The following TOR1AIP1 variants were observed in gnomAD, a reference collection of about 807,000 sequenced individuals.
The protein encoded by TOR1AIP1 is torsin 1A interacting protein 1, also known as torsin-1A-interacting protein 1.
In TOR1AIP1, 54 loss-of-function variants were observed where a neutral mutation model predicts 63.3. That is an observed-to-expected ratio of 0.85 (90% CI 0.69 to 1.07). TOR1AIP1 has a LOEUF of 1.07. TOR1AIP1 is among the 50% of genes least tolerant of loss of function. TOR1AIP1 has a pLI of 0.00. For synonymous variants in TOR1AIP1, 294 were observed against 273.5 expected, an observed-to-expected ratio of 1.07 and a Z score of -0.74; for missense variants, 736 against 715.0, an observed-to-expected ratio of 1.03 and a Z score of -0.33.
At chr1:179,885,643 ATTATGCT>A (rs1647888710) in intron 2 of TOR1AIP1, among the ~76,000 whole-genome samples, 1 of 152,204 alleles carries the variant, frequency 6.6e-6, no homozygotes, top group Admixed American at 6.5e-5. Context: ...TTCTAATAAG[ATTATGCT>A]TTATAATGTG....
intron 2 of TOR1AIP1, among the ~76,000 whole-genome samples, chr1:179,886,020 C>G (rs1325261081): frequency 6.6e-6 from 1 of 152,196 alleles, no homozygotes; most frequent in Non-Finnish European, 1.5e-5. Context: ...GGATTATAGG[C>G]ATCAGCCACC....
In TOR1AIP1 at chr1:179,901,485, T is replaced by C. The variant is rs544469129; in HGVS notation, c.739+97T>C. The C allele has an allele frequency of 4.4e-5, 26 of 595,836 alleles. No homozygotes were observed. In the Admixed American group the frequency reaches 8.2e-4, roughly 19 times the overall value. 36.9% of individuals were successfully genotyped at this position (595,836 alleles called of 1,614,324 possible). A position where few individuals can be genotyped will look rare whatever the true frequency, so the allele number is the denominator to read the frequency against. ...AAAAAAACTTTCAAATTTTTATTAATACTTTATAAAAAGTCGTGAATTTTT... is the reference window on the plus strand; with the variant it reads ...AAAAAAACTTTCAAATTTTTATTAACACTTTATAAAAAGTCGTGAATTTTT... On this transcript the variant is annotated intron_variant, in intron 5 of 9. Coordinates refer to ENST00000606911, the MANE Select transcript of TOR1AIP1 (RefSeq NM_015602.4).
intron 1 of TOR1AIP1, 44 bp downstream of exon 1, chr1:179,883,021 C>G: frequency 1.3e-6 from 2 of 1,558,234 alleles, no homozygotes; most frequent in Non-Finnish European, 1.7e-6. Context: ...AGCCAGGGAA[C>G]GCGCGGGGGC....
intron 3 of TOR1AIP1, among the ~76,000 whole-genome samples, chr1:179,891,530 T>G (rs536742998): frequency 6.6e-6 from 1 of 150,680 alleles, no homozygotes; most frequent in East Asian, 2.0e-4. Flanking sequence ...GCCTTTCTCC[T>G]TGATTTTTAT....
chr1:179,915,216 T>C (rs923540618), intron 9 of TOR1AIP1, among the ~76,000 whole-genome samples: 6 of 152,218 alleles, frequency 3.9e-5, no homozygotes, highest in Non-Finnish European at 8.8e-5. Context: ...TCTCCAAAAC[T>C]CAACAAGTGG....
rs750693473 is a variant in TOR1AIP1 at position 179,917,942 on chromosome 1, C to T, written c.1455C>T (p.Pro485=). Residue 485 remains proline, a synonymous_variant, in exon 10 of 10, where the codon CCC becomes CCT. Coordinates refer to ENST00000606911, the MANE Select transcript of TOR1AIP1 (RefSeq NM_015602.4). ...AAVVHRFESF[P]AGSTLIFYKY... is the part of the protein sequence containing the mutation. ...TGGTACACCGCTTTGAGTCATTTCC[C>T]GCAGGCTCTACTTTGATCTTCTACA... The T allele has an allele frequency of 5.1e-5, 82 of 1,614,066 alleles. No homozygotes were observed. Among genetic ancestry groups the T allele is most frequent in the Non-Finnish European group, 6.1e-5 (72 of 1,180,052 alleles).
At position 179,917,550 on chromosome 1, in the gene TOR1AIP1, T is replaced by C. The variant is rs767468401; in HGVS notation, c.1063T>C (p.Phe355Leu). The stretch of plus-strand genomic sequence containing the variant: ...TCTTGCCTCTGGGAGTTTTTGGTTC[T>C]TTAGTACTCCTGAGGTAGAAACCAC... ...AALASGSFWFFSTPEVETTAV... is the reference protein window; with the variant it reads ...AALASGSFWFLSTPEVETTAV... Residue 355 changes from phenylalanine to leucine, a missense_variant, in exon 10 of 10, where the codon TTT (phenylalanine) becomes CTT (leucine). Phe to Leu is a conservative substitution (Grantham distance 22). Coordinates refer to ENST00000606911, the MANE Select transcript of TOR1AIP1 (RefSeq NM_015602.4). 3 of 1,614,194 alleles carry C rather than the reference T, an allele frequency of 1.9e-6. No homozygotes were observed. The East Asian group carries it at 6.7e-5, about 36-fold the overall frequency.
In TOR1AIP1 at chr1:179,894,024, G is replaced by T. The variant is rs184811913; in HGVS notation, c.610+4655G>T. ...CACACCTGTAATCCCAGCACTTTGG[G>T]AGGCAGAGGCGGGCGGATCACGAGG... is the stretch of plus-strand genomic sequence containing the variant. On this transcript the variant is annotated intron_variant, in intron 3 of 9. Coordinates refer to ENST00000606911, the MANE Select transcript of TOR1AIP1 (RefSeq NM_015602.4). Among the ~76,000 whole-genome samples, 84 of 152,166 alleles carry T rather than the reference G, an allele frequency of 5.5e-4. 1 individual carries two copies. Among genetic ancestry groups the T allele is most frequent in the Admixed American group, 3.6e-3 (55 of 15,284 alleles).
chr1:179,888,805 T>A lies in TOR1AIP1; in HGVS notation c.554-508T>A, dbSNP rs1346923690. ...TATCCCTATGCCATTGAACTATAGA[T>A]GGTCTAAAATAAACCCTGGCCCACA... On this transcript the variant is annotated intron_variant, in intron 2 of 9. Transcript: ENST00000606911. Among the ~76,000 whole-genome samples the A allele has an allele frequency of 3.3e-5, 5 of 152,372 alleles. No individual in the cohort carries two copies. The South Asian group carries it at 1.0e-3, about 32-fold the overall frequency.
chr1:179,909,631 T>G (rs1176846996), intron 8 of TOR1AIP1, among the ~76,000 whole-genome samples: 1 of 152,108 alleles, frequency 6.6e-6, no homozygotes, highest in Non-Finnish European at 1.5e-5. Context: ...AGAGACAGGG[T>G]TTCACCATAT....
intron 9 of TOR1AIP1, 109 bp downstream of exon 9, chr1:179,914,163 C>A: frequency 1.0e-6 from 1 of 977,230 alleles, no homozygotes; most frequent in Non-Finnish European, 1.6e-6. Context: ...TTTGAAGAAT[C>A]ACATTTTAAG....
rs1414733497 is a variant in TOR1AIP1, at chr1:179,918,819, A to C, written c.*580A>C. ...GAAGGAAAATTAATGGGGAAGCTGA[A>C]GGGAGGAAATGTTACAGTAATCCAC... On this transcript the variant is annotated 3_prime_UTR_variant, in exon 10 of 10. Coordinates refer to ENST00000606911, the MANE Select transcript of TOR1AIP1 (RefSeq NM_015602.4). 6.6e-6 allele frequency: 1 copy of C among 152,582 alleles called. No individual in the cohort carries two copies. The highest frequency in any genetic ancestry group is 6.5e-5 in the Admixed American group (1 of 15,302). The allele number at this position is 152,582 out of a possible 1,614,324, so 9.5% of individuals were successfully genotyped here. A position where few individuals can be genotyped will look rare whatever the true frequency, so the allele number is the denominator to read the frequency against.
At chr1:179,912,890 C>T (rs574625605) in intron 8 of TOR1AIP1, among the ~76,000 whole-genome samples, 160 of 152,176 alleles carry the variant, frequency 1.1e-3, no homozygotes, top group African/African-American at 3.7e-3. Context: ...GTTGATATAA[C>T]GCTAAGAAGA....
At chr1:179,897,083 T>TCAA (rs1247324763) in intron 3 of TOR1AIP1, among the ~76,000 whole-genome samples, 1 of 152,218 alleles carries the variant, frequency 6.6e-6, no homozygotes, top group Non-Finnish European at 1.5e-5. Flanking sequence ...TAGCATTGCA[T>TCAA]AACTAGTTAT....
At chr1:179,890,022 A>C (rs1027340820) in intron 3 of TOR1AIP1, among the ~76,000 whole-genome samples, 1 of 152,206 alleles carries the variant, frequency 6.6e-6, no homozygotes, top group African/African-American at 2.4e-5. Context: ...ATATATAAAA[A>C]GCTTCCTTTT....
At chr1:179,904,848 C>G (rs1189196103) in intron 6 of TOR1AIP1, 3 of 152,176 alleles carry the variant, frequency 2.0e-5, no homozygotes, top group Admixed American at 1.3e-4. Flanking sequence ...TGGTCTCAAA[C>G]TTTTGGGCAC....
chr1:179,890,026 T>C (rs1648020764), intron 3 of TOR1AIP1, among the ~76,000 whole-genome samples: 1 of 152,192 alleles, frequency 6.6e-6, no homozygotes, highest in Non-Finnish European at 1.5e-5. Context: ...ATAAAAAGCT[T>C]CCTTTTTTAA....
At chr1:179,896,978 C>T (rs1034719212) in intron 3 of TOR1AIP1, among the ~76,000 whole-genome samples, 4 of 151,996 alleles carry the variant, frequency 2.6e-5, no homozygotes, top group Non-Finnish European at 4.4e-5. Flanking sequence ...GTCAAATCTA[C>T]GGGGATTATT....
Position 179,916,789 on chromosome 1 carries a change from C to T in TOR1AIP1, c.965-663C>T, listed in dbSNP as rs1232273157. ...CGTGATCTCGGCTCACTGCAACCTC[C>T]GCCTCCCGTGTTCAAGTGATTCTCC... On this transcript the variant is annotated intron_variant, in intron 9 of 9. Transcript: ENST00000606911. 6.9e-5 allele frequency among the ~76,000 whole-genome samples: 10 copies of T among 144,188 alleles called. No individual in the cohort carries two copies. In the South Asian group the frequency reaches 9.0e-4, roughly 13 times the overall value. The allele number at this position is 144,188 out of a possible 152,430, so 94.6% of individuals were successfully genotyped here. A position where few individuals can be genotyped will look rare whatever the true frequency, so the allele number is the denominator to read the frequency against.
Sources: allele counts gnomAD v4.1 joint callset (sites outside exome capture counted in the v4.1 genomes callset), GRCh38; gene constraint gnomAD v4.1.1; transcripts MANE v1.5; gene names NCBI Gene and HGNC (gene_info 2026-07-23, HGNC 2026-07-21).